Variants in HUNK observed in about 807,000 individuals in gnomAD.
The protein encoded by HUNK is hormonally up-regulated Neu-associated kinase.
Under a neutral mutation model 61.0 loss-of-function variants are expected in HUNK, and 21 were observed. The observed-to-expected ratio is 0.34, with a 90% confidence interval of 0.24 to 0.50. The LOEUF (loss-of-function observed/expected upper bound fraction) is 0.50. Ranked by LOEUF, HUNK falls within the 20% of genes least tolerant of loss-of-function variation. The probability of loss-of-function intolerance (pLI) is 0.98; values close to 1 mark genes in which losing one functional copy is unlikely to be tolerated. For synonymous variants in HUNK, 371 were observed against 386.1 expected (o/e 0.96, Z 0.46); for missense variants, 772 against 945.7 (o/e 0.82, Z 2.41).
Position 31,995,836 on chromosome 21 carries a change from C to G in HUNK, c.1374C>G (p.Asp458Glu). Residue 458 changes from aspartate (D) to glutamate (E), a missense_variant, in exon 10 of 11, where the codon GAC becomes GAG. Coordinates refer to ENST00000270112, the MANE Select transcript of HUNK (RefSeq NM_014586.2). ...ATCGACCATTCTCCAAGAAGTTGGA[C>G]AAGAACCTGCCCTCGCACAAACAGC... ...FLHRPFSKKLDKNLPSHKQPS... is the reference protein window; with the variant it reads ...FLHRPFSKKLEKNLPSHKQPS... 6.2e-7 allele frequency: 1 copy of G among 1,614,062 alleles called. No individual in the cohort carries two copies. Among genetic ancestry groups the G allele is most frequent in the Non-Finnish European group, 8.5e-7 (1 of 1,179,910 alleles).
At chr21:31,930,939 GAATA>G (rs2052691977) in intron 2 of HUNK, among the ~76,000 whole-genome samples, 1 of 151,838 alleles carries the variant, frequency 6.6e-6, no homozygotes, top group Non-Finnish European at 1.5e-5. Flanking sequence ...GTTTCATTTT[GAATA>G]AATAAATCAG....
chr21:31,929,194 A>G (rs2052680662), intron 2 of HUNK, among the ~76,000 whole-genome samples: 3 of 152,260 alleles, frequency 2.0e-5, no homozygotes, highest in Admixed American at 2.0e-4. Flanking sequence ...TTATCTTTCC[A>G]GAACTATTTA....
At chr21:31,905,627 C>G (rs13052069) in intron 1 of HUNK, among the ~76,000 whole-genome samples, 76,095 of 152,062 alleles carry the variant, frequency 0.5, 20,395 homozygotes, top group Non-Finnish European at 0.61. Context: ...TCAGTGGAAG[C>G]AGAGCATTCA....
chr21:31,910,978 G>C (rs1193361196), intron 1 of HUNK, among the ~76,000 whole-genome samples: 1 of 152,116 alleles, frequency 6.6e-6, no homozygotes, highest in Non-Finnish European at 1.5e-5. Context: ...TTGGAACTTT[G>C]TGAATTATTT....
intron 9 of HUNK, among the ~76,000 whole-genome samples, chr21:31,994,932 T>C (rs1407097718): frequency 6.6e-6 from 1 of 151,948 alleles, no homozygotes; most frequent in African/African-American, 2.4e-5. Flanking sequence ...GACAGGAGGG[T>C]TGCTTGAGGC....
chr21:31,924,011 G>A lies in HUNK; in HGVS notation c.262-457G>A, dbSNP rs1024401843. 1.3e-5 allele frequency among the ~76,000 whole-genome samples: 2 copies of A among 152,122 alleles called. No homozygotes were observed. The highest frequency in any genetic ancestry group is 4.8e-5 in the African/African-American group (2 of 41,418). ...AACCATGCCTTGGAACTAAGATTGGGGGAAGATTTAGCTGTTTCTGAAGTG... is the reference window on the plus strand; with the variant it reads ...AACCATGCCTTGGAACTAAGATTGGAGGAAGATTTAGCTGTTTCTGAAGTG... On this transcript the variant is annotated intron_variant, in intron 1 of 10. Coordinates refer to ENST00000270112, the MANE Select transcript of HUNK (RefSeq NM_014586.2). The surrounding 1 kb of genome is among the most constrained non-coding windows in gnomAD (Gnocchi z 5.1).
intron 5 of HUNK, among the ~76,000 whole-genome samples, chr21:31,965,594 C>CTTTTTTTTTTTTTTTTTT (rs71193162): frequency 7.8e-6 from 1 of 127,482 alleles, no homozygotes. Context: ...CTTTGTTTTT[C>CTTTTTTTTTTTTTTTTTT]TTTTTTTTTT....
chr21:31,894,500 T>C (rs1466595832), intron 1 of HUNK, among the ~76,000 whole-genome samples: 1 of 152,216 alleles, frequency 6.6e-6, no homozygotes, highest in East Asian at 1.9e-4. Context: ...ATCATTTGTT[T>C]TGTCATTCAA....
intron 5 of HUNK, among the ~76,000 whole-genome samples, chr21:31,965,308 G>T (rs1296257838): frequency 6.6e-6 from 1 of 150,988 alleles, no homozygotes; most frequent in Non-Finnish European, 1.5e-5. Context: ...AGGGTGGAGG[G>T]TGGAAGGAGA....
At chr21:31,957,372 C>T (rs979057071) in intron 4 of HUNK, among the ~76,000 whole-genome samples, 1 of 152,208 alleles carries the variant, frequency 6.6e-6, no homozygotes, top group Non-Finnish European at 1.5e-5. Context: ...GAACTAACTC[C>T]ACTGTGAGTG....
chr21:31,940,639 T>A (rs1210069848), intron 3 of HUNK, among the ~76,000 whole-genome samples: 2 of 152,214 alleles, frequency 1.3e-5, no homozygotes, highest in African/African-American at 4.8e-5. Flanking sequence ...GTTGGTACAA[T>A]GGGAGCTGTG....
In HUNK at chr21:31,999,113, C is replaced by G; in HGVS notation, c.2074C>G (p.Pro692Ala). The G allele has an allele frequency of 1.2e-6, 2 of 1,614,178 alleles. No homozygotes were observed. The highest frequency in any genetic ancestry group is 1.7e-6 in the Non-Finnish European group (2 of 1,180,000). Reference sequence around the variant, plus strand: ...AGATAGGCCCCTGGAGGCCAGCCTGCCCCCACTGCAGCCCCTAGCCCCTGT... The same window carrying G: ...AGATAGGCCCCTGGAGGCCAGCCTGGCCCCACTGCAGCCCCTAGCCCCTGT... ...SADRPLEASL[P>A]PLQPLAPVNL... The change falls in exon 11 of 11, where the codon CCC becomes GCC. Residue 692 changes from proline to alanine, a missense_variant. By Grantham distance (27) the Pro-to-Ala change is conservative. Around this residue, in one of 2 missense-constraint regions of HUNK, gnomAD observed 413 missense variants for 444.4 expected, o/e 0.93. Coordinates refer to ENST00000270112, the MANE Select transcript of HUNK (RefSeq NM_014586.2).
Position 31,974,542 on chromosome 21 carries a change from C to G in HUNK, c.1011-13C>G. 1 of 1,609,934 alleles carries G rather than the reference C, an allele frequency of 6.2e-7. No homozygotes were observed. The highest frequency in any genetic ancestry group is 8.5e-7 in the Non-Finnish European group (1 of 1,178,046). On this transcript the variant is annotated splice_polypyrimidine_tract_variant and intron_variant, in intron 6 of 10. Coordinates refer to ENST00000270112, the MANE Select transcript of HUNK (RefSeq NM_014586.2). ...TGCAGGGGTGACTGGTCCTCTCTCT[C>G]TGCACCTCGCAGGATTTCTCTGGAA...
intron 1 of HUNK, among the ~76,000 whole-genome samples, chr21:31,880,735 A>G (rs565862187): frequency 4.6e-5 from 7 of 152,112 alleles, no homozygotes; most frequent in Non-Finnish European, 7.4e-5. Context: ...CTTTTGGGGG[A>G]GCATAGTTCA....
chr21:31,979,714 A>G (rs991249305), intron 7 of HUNK, among the ~76,000 whole-genome samples: 5 of 150,420 alleles, frequency 3.3e-5, no homozygotes, highest in African/African-American at 1.2e-4. Flanking sequence ...ACAGGGTTTC[A>G]CCGTGTTAGC....
intron 4 of HUNK, among the ~76,000 whole-genome samples, chr21:31,947,095 G>A (rs1304582951): frequency 7.0e-6 from 1 of 141,910 alleles, no homozygotes; most frequent in Non-Finnish European, 1.5e-5. Flanking sequence ...CCATATCCCA[G>A]TCTCAAACCA....
intron 1 of HUNK, among the ~76,000 whole-genome samples, chr21:31,881,696 C>T (rs1378952060): frequency 1.3e-5 from 2 of 152,086 alleles, no homozygotes; most frequent in East Asian, 1.9e-4. Context: ...ATATAGTCCC[C>T]GTAGCAAACA....
chr21:31,878,258 C>CAA (rs59741283), intron 1 of HUNK, among the ~76,000 whole-genome samples: 5,911 of 89,754 alleles, frequency 0.066, 268 homozygotes, highest in Non-Finnish European at 0.092. Context: ...GACTCCATCT[C>CAA]AAAAAAAAAA....
At chr21:31,907,822 T>G (rs985649630) in intron 1 of HUNK, among the ~76,000 whole-genome samples, 3 of 151,992 alleles carry the variant, frequency 2.0e-5, no homozygotes, top group African/African-American at 7.2e-5. Context: ...AAACCTTGTC[T>G]CTACTAAAAA....
Sources: gnomAD v4.1 joint callset for allele counts (sites outside exome capture counted in the v4.1 genomes callset) on GRCh38, gnomAD v4.1.1 for gene constraint, gnomAD v4.1.1 regional missense constraint, Gnocchi (gnomAD v3.1) non-coding constraint, MANE v1.5 for transcripts, NCBI Gene and HGNC (gene_info 2026-07-23, HGNC 2026-07-21) for gene names.